The following RSAD1 variants were observed in gnomAD, a reference collection of about 807,000 sequenced individuals.
The protein encoded by RSAD1 is radical S-adenosyl methionine domain containing 1.
Under a neutral mutation model 46.2 loss-of-function variants are expected in RSAD1, and 34 were observed. The ratio of observed to expected loss-of-function variants is 0.74; its 90% confidence interval spans 0.56 to 0.98. RSAD1 has a LOEUF of 0.98. RSAD1 is among the 50% of genes least tolerant of loss of function. The probability of loss-of-function intolerance (pLI) is 0.00; values close to 1 mark genes in which losing one functional copy is unlikely to be tolerated. For missense variants in RSAD1, 635 were observed against 592.3 expected (o/e 1.07, Z -0.75); for synonymous variants, 260 against 253.5 (o/e 1.03, Z -0.24).
intron 4 of RSAD1, 82 bp downstream of exon 4, chr17:50,482,538 G>A (rs987240323): frequency 5.0e-6 from 8 of 1,611,028 alleles, no homozygotes; most frequent in Admixed American, 3.3e-5. Flanking sequence ...CTGAAGAGAA[G>A]GATCCTGGCC....
chr17:50,483,598 A>G, intron 6 of RSAD1, 108 bp from the exon 7 acceptor site: 1 of 1,590,896 alleles, frequency 6.3e-7, no homozygotes, highest in Admixed American at 1.7e-5. Context: ...CTTGCCACAT[A>G]CTGTATGGTC....
chr17:50,481,918 A>C (rs1357522730), intron 3 of RSAD1, among the ~76,000 whole-genome samples, 173 bp from the exon 4 acceptor site: 1 of 152,214 alleles, frequency 6.6e-6, no homozygotes, highest in Non-Finnish European at 1.5e-5. Flanking sequence ...TGCTTGGCAC[A>C]TAGCGACCCT....
rs1045333688 is a variant in RSAD1 at position 50,482,173 on chromosome 17, G to A, written c.557G>A (p.Arg186His). 2.0e-5 allele frequency: 31 copies of A among 1,582,930 alleles called. No homozygotes were observed. The highest frequency in any genetic ancestry group is 2.6e-5 in the Non-Finnish European group (30 of 1,161,798). ...DALRTLAEARRLFPGRVSVDL... is the reference protein window; with the variant it reads ...DALRTLAEARHLFPGRVSVDL... ...CTGCGGACGCTGGCAGAGGCCCGGC[G>A]CCTCTTTCCCGGGCGCGTGTCTGTA... The change falls in exon 4 of 9, where the codon CGC (arginine) becomes CAC (histidine). Residue 186 changes from arginine to histidine, a missense_variant. Coordinates refer to ENST00000258955, the MANE Select transcript of RSAD1 (RefSeq NM_018346.3).
In RSAD1 at chr17:50,484,555, G is replaced by T. The variant is rs760160418; in HGVS notation, c.1211+10G>T. 3 of 1,612,020 alleles carry T rather than the reference G, an allele frequency of 1.9e-6. No homozygotes were observed. The highest frequency in any genetic ancestry group is 2.7e-5 in the African/African-American group (2 of 75,036). ...TGCAGCTGGATCACAGGTGTGTTGGGGGGTGCCGGGCAGAGGGGGCTGAGG... is the reference window on the plus strand; with the variant it reads ...TGCAGCTGGATCACAGGTGTGTTGGTGGGTGCCGGGCAGAGGGGGCTGAGG... On this transcript the variant is annotated intron_variant, in intron 8 of 8. Coordinates refer to ENST00000258955, the MANE Select transcript of RSAD1 (RefSeq NM_018346.3).
intron 5 of RSAD1, 129 bp from the exon 6 acceptor site, chr17:50,483,211 A>AAAAAAGAAAGAAAAGAAAGAC (rs2033405877): frequency 1.0e-6 from 1 of 963,972 alleles, no homozygotes; most frequent in African/African-American, 2.1e-5. Context: ...GAAAGAAAGA[A>AAAAAAGAAAGAAAAGAAAGAC]AAGAAAAGAA....
rs758600705 is a variant in RSAD1 at position 50,482,683 on chromosome 17, G to C, written c.881G>C (p.Gly294Ala). The C allele has an allele frequency of 3.1e-6, 5 of 1,614,080 alleles. No homozygotes were observed. The African/African-American group carries it at 5.3e-5, about 17-fold the overall frequency. ...STHNWTYWQC[G>A]QYLGVGPGAH... ...CACAATTGGACTTACTGGCAGTGTG[G>C]TCAGTACCTTGGCGTTGGGCCTGGT... Residue 294 changes from glycine (G) to alanine (A), a missense_variant, in exon 5 of 9, where the codon GGT (glycine) becomes GCT (alanine). Coordinates refer to ENST00000258955, the MANE Select transcript of RSAD1 (RefSeq NM_018346.3).
rs780026820 is a variant in RSAD1, at chr17:50,479,597, T to C, written c.136-32T>C. The stretch of plus-strand genomic sequence containing the variant: ...GAACCCTGGAAGTGGCCAGGGCAGC[T>C]CTCACCGCGCACGTGCACTCACTGC... On this transcript the variant is annotated intron_variant, in intron 1 of 8. Transcript: ENST00000258955. 5 of 1,612,432 alleles carry C rather than the reference T, an allele frequency of 3.1e-6. No homozygotes were observed. In the South Asian group the frequency reaches 4.4e-5, roughly 14 times the overall value.
At position 50,483,265 on chromosome 17, in the gene RSAD1, G is replaced by T. The variant is rs114998771; in HGVS notation, c.905-75G>T. ...GTATGTTAGAGGCAGTTGCTCCAGG[G>T]ACCACATGATTTAAATCTGGTAAAC... On this transcript the variant is annotated intron_variant, in intron 5 of 8. Coordinates refer to ENST00000258955, the MANE Select transcript of RSAD1 (RefSeq NM_018346.3). 7.5e-3 allele frequency: 10,985 copies of T among 1,474,468 alleles called. 654 individuals are homozygous for T. The African/African-American group carries it at 0.13, about 18-fold the overall frequency. The allele number at this position is 1,474,468 out of a possible 1,614,324, so 91.3% of individuals were successfully genotyped here. A position where few individuals can be genotyped will look rare whatever the true frequency, so the allele number is the denominator to read the frequency against.
Position 50,479,862 on chromosome 17 carries a change from T to A in RSAD1, c.270-18T>A. ...AGAGGGCTCCCCCAGGTCTCATTTCTCCATTCTCTTTCCCCAGGGTGGAGT... is the reference window on the plus strand; with the variant it reads ...AGAGGGCTCCCCCAGGTCTCATTTCACCATTCTCTTTCCCCAGGGTGGAGT... On this transcript the variant is annotated intron_variant, in intron 2 of 8. Coordinates refer to ENST00000258955, the MANE Select transcript of RSAD1 (RefSeq NM_018346.3). 2 of 1,605,880 alleles carry A rather than the reference T, an allele frequency of 1.2e-6. No homozygotes were observed. The highest frequency in any genetic ancestry group is 1.7e-6 in the Non-Finnish European group (2 of 1,174,904).
intron 1 of RSAD1, 156 bp downstream of exon 1, chr17:50,479,175 G>A (rs1469103224): frequency 1.2e-5 from 10 of 823,386 alleles, no homozygotes; most frequent in Non-Finnish European, 1.7e-5. Flanking sequence ...CCTGTGCTTT[G>A]GCAGGGAAAT....
rs769328953 is a variant in RSAD1 at position 50,482,459 on chromosome 17, A to G, written c.840+3A>G. ...AGGTCTCCAACTTTGCCCGGAATGT[A>G]AGTTCTGGGGCTGATGGCTGGAGGT... On this transcript the variant is annotated splice_donor_region_variant and intron_variant, in intron 4 of 8. Transcript: ENST00000258955. The G allele has an allele frequency of 1.9e-6, 3 of 1,591,164 alleles. No individual in the cohort carries two copies. Among genetic ancestry groups the G allele is most frequent in the African/African-American group, 1.3e-5 (1 of 74,436 alleles).
intron 2 of RSAD1, 32 bp from the exon 3 acceptor site, chr17:50,479,848 C>G (rs1297647458): frequency 6.3e-7 from 1 of 1,599,206 alleles, no homozygotes. Context: ...GAGGGCTCCC[C>G]CAGGTCTCAT....
rs559552404 is a variant in RSAD1 at position 50,484,521 on chromosome 17, G to C, written c.1187G>C (p.Arg396Pro). 1.9e-6 allele frequency: 3 copies of C among 1,613,410 alleles called. No individual in the cohort carries two copies. In the South Asian group the frequency reaches 3.3e-5, roughly 18 times the overall value. The change falls in exon 8 of 9, where the codon CGG (arginine) becomes CCG (proline). Residue 396 changes from arginine to proline, a missense_variant. Arg to Pro is a moderately radical substitution (Grantham distance 103). Coordinates refer to ENST00000258955, the MANE Select transcript of RSAD1 (RefSeq NM_018346.3). ...AAGGAGGTGCAGGAGCTGCTGGAGCGGGGCCTACTGCAGCTGGATCACAGG... is the reference window on the plus strand; with the variant it reads ...AAGGAGGTGCAGGAGCTGCTGGAGCCGGGCCTACTGCAGCTGGATCACAGG... ...ANKEVQELLE[R>P]GLLQLDHRGL... is the part of the protein sequence containing the mutation.
intron 3 of RSAD1, among the ~76,000 whole-genome samples, chr17:50,480,890 A>G (rs575740157): frequency 5.3e-5 from 8 of 152,242 alleles, no homozygotes; most frequent in African/African-American, 1.7e-4. Context: ...GAATTAAGAG[A>G]TTTTTACAAA....
intron 3 of RSAD1, 74 bp downstream of exon 3, chr17:50,480,158 C>T: frequency 6.7e-7 from 1 of 1,498,402 alleles, no homozygotes; most frequent in Non-Finnish European, 9.3e-7. Context: ...CACATTCATT[C>T]ATTGGGCAAA....
intron 3 of RSAD1, 89 bp downstream of exon 3, chr17:50,480,173 G>T: frequency 7.2e-7 from 1 of 1,381,162 alleles, no homozygotes; most frequent in South Asian, 1.2e-5. Context: ...GGCAAACATT[G>T]ATTGAGCACC....
intron 3 of RSAD1, among the ~76,000 whole-genome samples, chr17:50,480,848 G>A (rs954189437): frequency 1.3e-5 from 2 of 152,078 alleles, no homozygotes; most frequent in South Asian, 2.1e-4. Context: ...ACCCCAAAGC[G>A]CATATCTTGA....
At chr17:50,484,618 C>T in intron 8 of RSAD1, 73 bp downstream of exon 8, 2 of 1,547,298 alleles carry the variant, frequency 1.3e-6, no homozygotes, top group East Asian at 2.3e-5. Context: ...TCCACAGACC[C>T]AGGAGAAGTG....
intron 5 of RSAD1, 135 bp from the exon 6 acceptor site, chr17:50,483,205 G>GAAAA (rs1160598159): frequency 5.2e-5 from 34 of 658,862 alleles, no homozygotes; most frequent in South Asian, 2.7e-4. Flanking sequence ...AAGAAAGAAA[G>GAAAA]AAAGAAAAGA....
Sources: allele counts gnomAD v4.1 joint callset (sites outside exome capture counted in the v4.1 genomes callset), GRCh38; gene constraint gnomAD v4.1.1; transcripts MANE v1.5; gene names NCBI Gene and HGNC (gene_info 2026-07-23, HGNC 2026-07-21).